Variants in ERI3 observed in about 807,000 individuals in gnomAD.
ERI3 encodes the protein ERI1 exoribonuclease family member 3.
ERI3 carries 18 observed loss-of-function variants against 44.4 expected under a neutral mutation model. That is an observed-to-expected ratio of 0.41 (90% CI 0.28 to 0.60). The LOEUF (loss-of-function observed/expected upper bound fraction) is 0.60, where lower values mean the gene tolerates loss of function less well. ERI3 is among the 20% of genes least tolerant of loss of function. The pLI, the probability that ERI3 is intolerant of heterozygous loss-of-function variation, is 0.36. For synonymous variants in ERI3, 183 were observed against 164.8 expected, an observed-to-expected ratio of 1.11 and a Z score of -0.84; for missense variants, 294 against 435.5, an observed-to-expected ratio of 0.68 and a Z score of 2.89.
intron 6 of ERI3, among the ~76,000 whole-genome samples, chr1:44,296,787 C>G (rs1645620579): frequency 6.6e-6 from 1 of 152,226 alleles, no homozygotes; most frequent in Admixed American, 6.5e-5. Context: ...AAACCAGCTA[C>G]ATGCCACTTG....
intron 8 of ERI3, among the ~76,000 whole-genome samples, chr1:44,246,348 TC>T (rs1370341722): frequency 1.3e-5 from 2 of 152,232 alleles, no homozygotes; most frequent in African/African-American, 4.8e-5. Context: ...AGATCCCAAT[TC>T]AAGTGTCCTC....
At chr1:44,240,983 G>C (rs1239144884) in intron 8 of ERI3, among the ~76,000 whole-genome samples, 1 of 152,346 alleles carries the variant, frequency 6.6e-6, no homozygotes, top group South Asian at 2.1e-4. Flanking sequence ...TTGGCATTAG[G>C]TCAGATGGGG....
chr1:44,345,717 A>G (rs1646770625), intron 2 of ERI3, among the ~76,000 whole-genome samples: 2 of 152,254 alleles, frequency 1.3e-5, no homozygotes, highest in Admixed American at 1.3e-4. Flanking sequence ...ATAATCTTCA[A>G]TCTAATGAAT....
At chr1:44,343,497 G>C (rs1646724406) in intron 2 of ERI3, among the ~76,000 whole-genome samples, 10 of 152,138 alleles carry the variant, frequency 6.6e-5, no homozygotes, top group Admixed American at 6.5e-4. Context: ...ATCTAATCAT[G>C]AGAAAATGTC....
rs1644711064 is a variant in ERI3 at position 44,252,890 on chromosome 1, C to T, written c.832-4852G>A. ...GGCTGCTCTGCAACTTTCAGAAAAA[C>T]CAGAGTTTTGAAGCCTGTGCTAGCA... On this transcript the variant is annotated intron_variant, in intron 7 of 8. Transcript: ENST00000372257. This position sits in a 1 kb window ranked among gnomAD's most constrained non-coding sequence, Gnocchi z 4.7. Among the ~76,000 whole-genome samples the T allele has an allele frequency of 6.6e-6, 1 of 152,192 alleles. No homozygotes were observed. Among genetic ancestry groups the T allele is most frequent in the South Asian group, 2.1e-4 (1 of 4,830 alleles).
At chr1:44,281,878 A>ATGTGTGTGTGTGTGTGTGTGTG (rs10574197) in intron 7 of ERI3, among the ~76,000 whole-genome samples, 2 of 126,966 alleles carry the variant, frequency 1.6e-5, no homozygotes, top group Non-Finnish European at 3.3e-5. Context: ...ACATGTGCAT[A>ATGTGTGTGTGTGTGTGTGTGTG]TGTGTGTGTG....
intron 6 of ERI3, among the ~76,000 whole-genome samples, chr1:44,303,988 T>C (rs547790299): frequency 1.3e-5 from 2 of 152,092 alleles, no homozygotes; most frequent in African/African-American, 2.4e-5. Flanking sequence ...GCAACAGGAT[T>C]TGGCAATTAA....
rs141225400 is a variant in ERI3 at position 44,242,225 on chromosome 1, C to T, written c.931+5714G>A. On this transcript the variant is annotated intron_variant, in intron 8 of 8. Transcript: ENST00000372257. ...TGCTCTGCCCTTCCCCACAAGGCAG[C>T]TGGGCTGACTCCTCCCCTCCCAGCC... 4.7e-5 allele frequency: 41 copies of T among 875,316 alleles called. No homozygotes were observed. The East Asian group carries it at 4.5e-3, about 95-fold the overall frequency. The allele number at this position is 875,316 out of a possible 1,614,324, so 54.2% of individuals were successfully genotyped here. A position where few individuals can be genotyped will look rare whatever the true frequency, so the allele number is the denominator to read the frequency against.
At chr1:44,336,694 G>A (rs144146345) in intron 3 of ERI3, among the ~76,000 whole-genome samples, 2 of 152,310 alleles carry the variant, frequency 1.3e-5, no homozygotes, top group East Asian at 3.9e-4. Context: ...GTAAACTAAC[G>A]GGTCTATAAT....
At chr1:44,354,541 G>C (rs1646957983) in intron 1 of ERI3, 7 of 985,386 alleles carry the variant, frequency 7.1e-6, no homozygotes, top group Non-Finnish European at 8.4e-6. Context: ...CACCGCTTCA[G>C]ATTTACAAAG....
intron 8 of ERI3, among the ~76,000 whole-genome samples, chr1:44,225,534 A>G (rs985079489): frequency 6.6e-6 from 1 of 152,148 alleles, no homozygotes; most frequent in Non-Finnish European, 1.5e-5. Context: ...AAATATTTTT[A>G]TATTGCCAAG....
At chr1:44,242,251 C>T (rs1644454667) in intron 8 of ERI3, among the ~76,000 whole-genome samples, 1 of 152,196 alleles carries the variant, frequency 6.6e-6, no homozygotes, top group Non-Finnish European at 1.5e-5. Flanking sequence ...CCTCCCAGCC[C>T]TGAAGGTGGC....
intron 6 of ERI3, among the ~76,000 whole-genome samples, chr1:44,296,029 A>G (rs1264865300): frequency 6.6e-6 from 1 of 152,178 alleles, no homozygotes; most frequent in African/African-American, 2.4e-5. Context: ...GGAGGGGGCC[A>G]GGAAGGCAAG....
At chr1:44,291,369 C>T (rs1384590656) in intron 6 of ERI3, among the ~76,000 whole-genome samples, 5 of 152,188 alleles carry the variant, frequency 3.3e-5, no homozygotes, top group African/African-American at 1.2e-4. Context: ...CACTCAGTGC[C>T]TTTAGTCGGG....
intron 7 of ERI3, among the ~76,000 whole-genome samples, chr1:44,264,254 G>T (rs1211839310): frequency 7.9e-5 from 12 of 152,186 alleles, no homozygotes; most frequent in Non-Finnish European, 1.5e-4. Context: ...AAAAGTGATT[G>T]AATCTCCAAT....
intron 8 of ERI3, among the ~76,000 whole-genome samples, chr1:44,234,828 C>T (rs1351746879): frequency 1.3e-5 from 2 of 151,910 alleles, no homozygotes; most frequent in African/African-American, 4.8e-5. Context: ...ACTGCATCTC[C>T]GCCTCCCAGG....
At chr1:44,246,579 T>A (rs1176132277) in intron 8 of ERI3, among the ~76,000 whole-genome samples, 1 of 152,226 alleles carries the variant, frequency 6.6e-6, no homozygotes, top group Non-Finnish European at 1.5e-5. Context: ...GCATCCCTCC[T>A]GGGGTGAGAT....
At chr1:44,304,073 G>A (rs1645782096) in intron 6 of ERI3, among the ~76,000 whole-genome samples, 1 of 152,146 alleles carries the variant, frequency 6.6e-6, no homozygotes, top group African/African-American at 2.4e-5. Flanking sequence ...GTCATTATTT[G>A]AGGGAATGAT....
At position 44,247,956 on chromosome 1, in the gene ERI3, C is replaced by T. The variant is rs1644589876; in HGVS notation, c.914G>A (p.Arg305Gln). Residue 305 changes from arginine (R) to glutamine (Q), a missense_variant, in exon 8 of 9, where the codon CGG becomes CAG. By Grantham distance (43) the Arg-to-Gln change is conservative (BLOSUM62 1). Transcript: ENST00000372257. ...GGACTGACCAATGCCGCTGTGGGGC[C>T]GGCCTATGTGTTGCAGGCTGAGGCC... ...NKGLSLQHIG[R>Q]PHSGIDDCKN... The T allele has an allele frequency of 5.6e-6, 9 of 1,612,442 alleles. No individual in the cohort carries two copies. The highest frequency in any genetic ancestry group is 7.6e-6 in the Non-Finnish European group (9 of 1,179,222).
Sources: gnomAD v4.1 joint callset for allele counts (sites outside exome capture counted in the v4.1 genomes callset) on GRCh38, gnomAD v4.1.1 for gene constraint, Gnocchi (gnomAD v3.1) non-coding constraint, MANE v1.5 for transcripts, NCBI Gene and HGNC (gene_info 2026-07-23, HGNC 2026-07-21) for gene names.